UBASH3A: variants seen among roughly 807,000 people sequenced by gnomAD.
UBASH3A encodes the protein ubiquitin-associated and SH3 domain-containing protein A.
UBASH3A carries 63 observed loss-of-function variants against 73.5 expected under a neutral mutation model. That is an observed-to-expected ratio of 0.86 (90% CI 0.70 to 1.06). The LOEUF (loss-of-function observed/expected upper bound fraction) is 1.06. UBASH3A is among the 50% of genes least tolerant of loss of function. UBASH3A has a pLI of 0.00. For synonymous variants in UBASH3A, 363 were observed against 351.1 expected, an observed-to-expected ratio of 1.03 and a Z score of -0.38; for missense variants, 860 against 859.0, an observed-to-expected ratio of 1.00 and a Z score of -0.02.
At position 42,409,358 on chromosome 21, in the gene UBASH3A, T is replaced by C. The variant is rs987193838; in HGVS notation, c.168-64T>C. ...GCTGTCATTGTCATTCTGTTGTGTA[T>C]CCTCAAAGGGGAAAACTCTTTTTGT... On this transcript the variant is annotated intron_variant, in intron 2 of 14. Transcript: ENST00000319294. 2.7e-6 allele frequency: 4 copies of C among 1,472,098 alleles called. No homozygotes were observed. In the South Asian group the frequency reaches 5.5e-5, roughly 20 times the overall value. The allele number at this position is 1,472,098 out of a possible 1,614,324, so 91.2% of individuals were successfully genotyped here.
At chr21:42,416,643 C>A (rs747309740) in intron 6 of UBASH3A, 32 bp downstream of exon 6, 20 of 1,483,438 alleles carry the variant, frequency 1.3e-5, no homozygotes, top group Non-Finnish European at 1.8e-5. Context: ...TCATAAGAAG[C>A]AGATGAATGG....
At chr21:42,431,773 G>A (rs903862706) in intron 8 of UBASH3A, among the ~76,000 whole-genome samples, 1 of 152,206 alleles carries the variant, frequency 6.6e-6, no homozygotes, top group African/African-American at 2.4e-5. Flanking sequence ...TAGGGATAAT[G>A]TCCTAAGACG....
intron 11 of UBASH3A, among the ~76,000 whole-genome samples, chr21:42,439,100 G>C (rs542385468): frequency 6.6e-6 from 1 of 152,216 alleles, no homozygotes; most frequent in East Asian, 1.9e-4. Context: ...TCAAATCCAG[G>C]TGCCCAGGAA....
At chr21:42,429,882 A>G (rs1319896327) in intron 8 of UBASH3A, among the ~76,000 whole-genome samples, 1 of 152,064 alleles carries the variant, frequency 6.6e-6, no homozygotes, top group Non-Finnish European at 1.5e-5. Context: ...ACCCTAAGAA[A>G]GTGTTTGCAT....
chr21:42,404,116 T>C, intron 1 of UBASH3A, 58 bp downstream of exon 1: 1 of 1,045,718 alleles, frequency 9.6e-7, no homozygotes, highest in East Asian at 3.2e-5. Flanking sequence ...CAGACCCTGC[T>C]GCGGCCCCCG....
intron 5 of UBASH3A, 131 bp from the exon 6 acceptor site, chr21:42,416,311 G>C: frequency 1.1e-6 from 1 of 902,114 alleles, no homozygotes; most frequent in East Asian, 3.3e-5. Context: ...TTTATGATGT[G>C]AGTTCTGAGC....
intron 11 of UBASH3A, 102 bp from the exon 12 acceptor site, chr21:42,442,345 ATGATT>A: frequency 8.7e-7 from 1 of 1,144,688 alleles, no homozygotes; most frequent in Admixed American, 2.1e-5. Context: ...TTTAAAAGGC[ATGATT>A]TAGACGTGTG....
chr21:42,430,103 T>C (rs1283117142), intron 8 of UBASH3A, among the ~76,000 whole-genome samples: 3 of 151,546 alleles, frequency 2.0e-5, no homozygotes, highest in African/African-American at 7.3e-5. Flanking sequence ...TCAAGGCAGG[T>C]GAAATTGGCC....
intron 1 of UBASH3A, among the ~76,000 whole-genome samples, chr21:42,405,256 G>A (rs538858756): frequency 6.6e-5 from 10 of 152,274 alleles, no homozygotes; most frequent in Non-Finnish European, 1.3e-4. Flanking sequence ...ACCGGGCACC[G>A]TCCAGGCATT....
chr21:42,444,629 C>G lies in UBASH3A; in HGVS notation c.1834C>G (p.Gln612Glu), dbSNP rs375309797. ...LPPRECGDFAQLVRKIPSLGM... is the reference protein window; with the variant it reads ...LPPRECGDFAELVRKIPSLGM... Reference sequence around the variant, plus strand: ...GCCCCGGGAATGTGGGGATTTTGCCCAACTCGTGAGAAAGGTACGCGCCCA... The same window carrying G: ...GCCCCGGGAATGTGGGGATTTTGCCGAACTCGTGAGAAAGGTACGCGCCCA... The change falls in exon 14 of 15, where the codon CAA (glutamine) becomes GAA (glutamate). Residue 612 changes from glutamine (Q) to glutamate (E), a missense_variant. Transcript: ENST00000319294. 1.9e-5 allele frequency: 30 copies of G among 1,613,982 alleles called. No homozygotes were observed. In the Middle Eastern group the frequency reaches 9.9e-4, roughly 53 times the overall value.
At chr21:42,421,356 G>A (rs1160648965) in intron 7 of UBASH3A, among the ~76,000 whole-genome samples, 1 of 152,204 alleles carries the variant, frequency 6.6e-6, no homozygotes, top group African/African-American at 2.4e-5. Context: ...TCAGAGCTGT[G>A]TGGCTGGGGA....
At chr21:42,422,974 AT>A in intron 7 of UBASH3A, among the ~76,000 whole-genome samples, 1 of 152,250 alleles carries the variant, frequency 6.6e-6, no homozygotes, top group Non-Finnish European at 1.5e-5. Context: ...AAACACGACC[AT>A]TTCATAATGT....
chr21:42,443,173 G>C, intron 12 of UBASH3A, 139 bp from the exon 13 acceptor site: 1 of 1,405,186 alleles, frequency 7.1e-7, no homozygotes, highest in Non-Finnish European at 9.3e-7. Flanking sequence ...CAAAACTGGA[G>C]CCTGCCTGTT....
At position 42,409,565 on chromosome 21, in the gene UBASH3A, C is replaced by A; in HGVS notation, c.311C>A (p.Ala104Asp). 6.2e-7 allele frequency: 1 copy of A among 1,613,856 alleles called. No homozygotes were observed. The highest frequency in any genetic ancestry group is 8.5e-7 in the Non-Finnish European group (1 of 1,179,934). Residue 104 changes from alanine to aspartate, a missense_variant, in exon 3 of 15, where the codon GCT becomes GAT. Ala to Asp is a moderately radical substitution (Grantham distance 126, BLOSUM62 -2). Transcript: ENST00000319294. ...ESKRQCAKNR[A>D]HEVFPHVTLC... ...AAGCGCCAGTGTGCAAAGAACAGAG[C>A]TCATGAGGTCTTCCCACACGTGACA...
At position 42,409,497 on chromosome 21, in the gene UBASH3A, G is replaced by A; in HGVS notation, c.243G>A (p.Thr81=). ...PQEYALFLCP[T]GPLLEKLQEF... ...AGTATGCCCTTTTCCTCTGTCCAAC[G>A]GGGCCCCTGCTGGAAAAACTTCAAG... The change falls in exon 3 of 15, where the codon ACG becomes ACA. Residue 81 remains threonine (T), a synonymous_variant. Transcript: ENST00000319294. 5.0e-6 allele frequency: 8 copies of A among 1,614,042 alleles called. No individual in the cohort carries two copies. The highest frequency in any genetic ancestry group is 1.1e-5 in the South Asian group (1 of 91,072).
chr21:42,442,821 A>G lies in UBASH3A; in HGVS notation c.1631+225A>G, dbSNP rs187813504. On this transcript the variant is annotated intron_variant, in intron 12 of 14. Transcript: ENST00000319294. ...GGTCAGTGGATGGAAAATTCCTGAG[A>G]AGGTGGGTCATTCTTGCTAAACTGA... 1.2e-4 allele frequency among the ~76,000 whole-genome samples: 19 copies of G among 152,174 alleles called. No individual in the cohort carries two copies. The East Asian group carries it at 2.1e-3, about 17-fold the overall frequency.
Position 42,444,604 on chromosome 21 carries a change from G to C in UBASH3A, c.1809G>C (p.Pro603=), listed in dbSNP as rs139310273. The change falls in exon 14 of 15, where the codon CCG becomes CCC. Residue 603 remains proline (P), a synonymous_variant. Transcript: ENST00000319294. ...DSCTRPLLGL[P]PRECGDFAQL... ...GCACGCGGCCACTGCTCGGGCTGCC[G>C]CCCCGGGAATGTGGGGATTTTGCCC... The C allele has an allele frequency of 6.2e-7, 1 of 1,614,176 alleles. No homozygotes were observed.
At chr21:42,418,827 G>C (rs986299285) in intron 7 of UBASH3A, among the ~76,000 whole-genome samples, 11 of 152,158 alleles carry the variant, frequency 7.2e-5, no homozygotes, top group African/African-American at 2.7e-4. Flanking sequence ...CTCTGCATTA[G>C]AGTAATTTGA....
intron 6 of UBASH3A, among the ~76,000 whole-genome samples, chr21:42,417,292 C>T (rs989329137): frequency 2.0e-5 from 3 of 151,726 alleles, no homozygotes; most frequent in Non-Finnish European, 4.4e-5. Flanking sequence ...GGCGTGATGG[C>T]ACGAACCTGT....
Sources: gnomAD v4.1 joint callset for allele counts (sites outside exome capture counted in the v4.1 genomes callset) on GRCh38, gnomAD v4.1.1 for gene constraint, MANE v1.5 for transcripts, NCBI Gene and HGNC (gene_info 2026-07-23, HGNC 2026-07-21) for gene names.